SLC17A9: variants seen among roughly 807,000 people sequenced by gnomAD.
The protein encoded by SLC17A9 is voltage-gated purine nucleotide uniporter SLC17A9.
A neutral mutation model predicts 55.0 loss-of-function variants in SLC17A9; 49 were observed. The ratio of observed to expected loss-of-function variants is 0.89; its 90% confidence interval spans 0.71 to 1.13. The LOEUF is 1.13. Among genes scored for constraint, SLC17A9 ranks in the 50% most tolerant of loss-of-function variants. The pLI, the probability that SLC17A9 is intolerant of heterozygous loss-of-function variation, is 0.00. For synonymous variants in SLC17A9, 256 were observed against 247.4 expected, an observed-to-expected ratio of 1.03 and a Z score of -0.32; for missense variants, 526 against 569.3, an observed-to-expected ratio of 0.92 and a Z score of 0.77.
Position 62,956,773 on chromosome 20 carries a change from GC to G in SLC17A9, c.70del (p.Gln24ArgfsTer28). Reference protein sequence around the residue: ...AGDTQWSRPECQAWTGTLLLG... With the variant: ...AGDTQWSRPEXQAWTGTLLLG... The stretch of plus-strand genomic sequence containing the variant: ...CATCTCCTGTCCCACAGGCCCGAGT[GC>G]CAGGCATGGACGGGGACGCTGCTGC... On this transcript the variant is annotated frameshift_variant, in exon 2 of 13. Transcript: ENST00000370351. LOFTEE classifies it high-confidence loss of function. 1.2e-6 allele frequency: 2 copies of G among 1,611,712 alleles called. No individual in the cohort carries two copies. The highest frequency in any genetic ancestry group is 1.7e-6 in the Non-Finnish European group (2 of 1,179,640).
In SLC17A9 at chr20:62,967,558, G is replaced by T; in HGVS notation, c.*58G>T. ...GCGCCAGCAGCCCCAGGACACAGGG[G>T]ACTCAGTGTGTGGGACTTGGTCACT... On this transcript the variant is annotated 3_prime_UTR_variant, in exon 13 of 13. Coordinates refer to ENST00000370351, the MANE Select transcript of SLC17A9 (RefSeq NM_022082.4). 2 of 1,557,368 alleles carry T rather than the reference G, an allele frequency of 1.3e-6. No homozygotes were observed. Among genetic ancestry groups the T allele is most frequent in the South Asian group, 1.2e-5 (1 of 86,066 alleles).
At chr20:62,954,397 C>A (rs6062751) in intron 1 of SLC17A9, among the ~76,000 whole-genome samples, 5 of 152,260 alleles carry the variant, frequency 3.3e-5, no homozygotes, top group African/African-American at 1.2e-4. Flanking sequence ...GTTCCCTTTT[C>A]TGAATGGAGG....
At chr20:62,957,747 T>TGC in intron 3 of SLC17A9, among the ~76,000 whole-genome samples, 167 bp downstream of exon 3, 1 of 147,208 alleles carries the variant, frequency 6.8e-6, no homozygotes, top group South Asian at 2.2e-4. Context: ...TGTGTGCGTG[T>TGC]GTAAGTGTGT....
intron 8 of SLC17A9, 192 bp from the exon 9 acceptor site, chr20:62,964,940 C>T: frequency 3.3e-6 from 2 of 611,278 alleles, no homozygotes; most frequent in South Asian, 4.1e-5. Flanking sequence ...TCCAAAGGCG[C>T]ACATGCGGCC....
intron 11 of SLC17A9, 39 bp from the exon 12 acceptor site, chr20:62,966,664 T>C (rs757729486): frequency 1.2e-6 from 2 of 1,613,732 alleles, no homozygotes; most frequent in African/African-American, 2.7e-5. Context: ...GGGCTTTTGC[T>C]GACCATCCAT....
intron 1 of SLC17A9, among the ~76,000 whole-genome samples, chr20:62,954,549 T>C (rs1357140695): frequency 6.6e-6 from 1 of 152,208 alleles, no homozygotes; most frequent in Non-Finnish European, 1.5e-5. Context: ...TGCCCAAAGC[T>C]TTCCGGTTCT....
intron 5 of SLC17A9, 124 bp from the exon 6 acceptor site, chr20:62,963,149 G>A: frequency 1.0e-6 from 1 of 980,782 alleles, no homozygotes; most frequent in Non-Finnish European, 1.5e-6. Flanking sequence ...GCGCCCATGT[G>A]CAACCTGAGG....
Position 62,952,853 on chromosome 20 carries a change from C to T in SLC17A9, c.23C>T (p.Ala8Val). The change falls in exon 1 of 13, where the codon GCC (alanine) becomes GTC (valine). Residue 8 changes from alanine to valine, a missense_variant. Coordinates refer to ENST00000370351, the MANE Select transcript of SLC17A9 (RefSeq NM_022082.4). The part of the protein sequence containing the change: MQPPPDE[A>V]RRDMAGDTQW... ...CCGATGCAGCCACCCCCAGACGAGG[C>T]CCGCAGGGACATGGCCGGGGACACC... 1 of 1,529,380 alleles carries T rather than the reference C, an allele frequency of 6.5e-7. No homozygotes were observed. The allele number at this position is 1,529,380 out of a possible 1,614,324, so 94.7% of individuals were successfully genotyped here.
chr20:62,965,461 A>G, intron 9 of SLC17A9, 149 bp from the exon 10 acceptor site: 1 of 776,380 alleles, frequency 1.3e-6, no homozygotes, highest in Non-Finnish European at 2.1e-6. Flanking sequence ...GACCTCCTCT[A>G]GGGGGCCTGG....
intron 8 of SLC17A9, 37 bp downstream of exon 8, chr20:62,964,352 A>C (rs188102359): frequency 6.3e-7 from 1 of 1,599,708 alleles, no homozygotes; most frequent in African/African-American, 1.3e-5. Context: ...TGGAAGCCAC[A>C]CCCTGGTTCA....
At chr20:62,953,211 G>C in intron 1 of SLC17A9, 1 of 1,550,466 alleles carries the variant, frequency 6.4e-7, no homozygotes, top group East Asian at 2.4e-5. Flanking sequence ...CCCTCGCCAG[G>C]TGGAACCACC....
chr20:62,957,197 T>C, intron 2 of SLC17A9: 1 of 985,188 alleles, frequency 1.0e-6, no homozygotes, highest in African/African-American at 1.7e-5. Context: ...CAGAGGAAGA[T>C]GGGAGCTGGG....
intron 9 of SLC17A9, 63 bp from the exon 10 acceptor site, chr20:62,965,547 C>A: frequency 1.3e-6 from 2 of 1,495,338 alleles, no homozygotes; most frequent in Non-Finnish European, 1.8e-6. Flanking sequence ...GCAGCTGAGT[C>A]AGGAGAGGGC....
chr20:62,952,889 G>T lies in SLC17A9; in HGVS notation c.59G>T (p.Arg20Met). The T allele has an allele frequency of 1.3e-6, 2 of 1,489,590 alleles. No homozygotes were observed. Among genetic ancestry groups the T allele is most frequent in the East Asian group, 2.5e-5 (1 of 40,414 alleles). The allele number at this position is 1,489,590 out of a possible 1,614,324, so 92.3% of individuals were successfully genotyped here. The change falls in exon 1 of 13, where the codon AGG becomes ATG. Residue 20 changes from arginine to methionine, a missense_variant and splice_region_variant. Arg to Met is a moderately conservative substitution (Grantham distance 91). Transcript: ENST00000370351. ...ATGGCCGGGGACACCCAGTGGTCCA[G>T]GTGTGGCGGGGGTGAGGGGAGGGGG... ...RDMAGDTQWSRPECQAWTGTL... is the reference protein window; with the variant it reads ...RDMAGDTQWSMPECQAWTGTL...
intron 1 of SLC17A9, chr20:62,953,202 C>A (rs538195193): frequency 1.3e-6 from 2 of 1,550,436 alleles, no homozygotes; most frequent in East Asian, 4.9e-5. Flanking sequence ...GAGGCATACC[C>A]CTCGCCAGGT....
intron 3 of SLC17A9, among the ~76,000 whole-genome samples, chr20:62,959,581 G>A (rs2065571339): frequency 6.6e-6 from 1 of 152,244 alleles, no homozygotes; most frequent in Non-Finnish European, 1.5e-5. Context: ...TTGCTGCGGG[G>A]CATCGGACTT....
In SLC17A9 at chr20:62,966,689, T is replaced by G; in HGVS notation, c.1118-14T>G. 4 of 1,613,880 alleles carry G rather than the reference T, an allele frequency of 2.5e-6. No individual in the cohort carries two copies. The highest frequency in any genetic ancestry group is 2.5e-6 in the Non-Finnish European group (3 of 1,179,922). On this transcript the variant is annotated splice_polypyrimidine_tract_variant and intron_variant, in intron 11 of 12. Transcript: ENST00000370351. ...TGACCATCCATATTCTCTCTCGCTC[T>G]GGCCTCTTCACAGGTGTGGCCAACA...
Position 62,967,344 on chromosome 20 carries a change from G to T in SLC17A9, c.1155G>T (p.Val385=), listed in dbSNP as rs751131972. 3 of 1,613,992 alleles carry T rather than the reference G, an allele frequency of 1.9e-6. No homozygotes were observed. Among genetic ancestry groups the T allele is most frequent in the South Asian group, 1.1e-5 (1 of 91,078 alleles). The change falls in exon 13 of 13, where the codon GTG becomes GTT. Residue 385 remains valine (V), a synonymous_variant. Coordinates refer to ENST00000370351, the MANE Select transcript of SLC17A9 (RefSeq NM_022082.4). ...TGGCCCTCTCTTGGGCAGGTGTCGTGGGTGTGTGTCTAGGCGGCTACTTGA... is the reference window on the plus strand; with the variant it reads ...TGGCCCTCTCTTGGGCAGGTGTCGTTGGTGTGTGTCTAGGCGGCTACTTGA... ...ANTAGALAGV[V]GVCLGGYLME... is the part of the protein sequence containing the mutation.
intron 1 of SLC17A9, chr20:62,953,283 C>T (rs1028839169): frequency 2.0e-5 from 31 of 1,547,286 alleles, no homozygotes; most frequent in East Asian, 1.7e-4. Flanking sequence ...GTAGGGGGCA[C>T]GGGCTGGAGC....
Sources: allele counts gnomAD v4.1 joint callset (sites outside exome capture counted in the v4.1 genomes callset), GRCh38; gene constraint gnomAD v4.1.1; transcripts MANE v1.5; gene names NCBI Gene and HGNC (gene_info 2026-07-23, HGNC 2026-07-21).